QTMAN: variants seen among roughly 807,000 people sequenced by gnomAD.
The protein encoded by QTMAN is queuosine-tRNA mannosyltransferase, also known as tRNA-queuosine alpha-mannosyltransferase.
At chr2:144,108,135 C>T in the QTMAN span, among the ~76,000 whole-genome samples, 2,493 of 152,256 alleles carry the variant, frequency 0.016, 30 homozygotes, top group Non-Finnish European at 0.024. Context: ...ATGACAAACC[C>T]ACAGCCAATA....
At chr2:143,956,345 T>C in the QTMAN span, among the ~76,000 whole-genome samples, 1 of 152,286 alleles carries the variant, frequency 6.6e-6, no homozygotes, top group Admixed American at 6.5e-5. Context: ...GACTCAATGA[T>C]GCATGCTTTA....
At chr2:144,290,730 A>G in the QTMAN span, among the ~76,000 whole-genome samples, 1,323 of 152,292 alleles carry the variant, frequency 8.7e-3, 14 homozygotes, top group African/African-American at 0.03. Context: ...CTCCTGGCAA[A>G]TATCCTCATG....
the QTMAN span, among the ~76,000 whole-genome samples, chr2:144,148,520 G>GA: frequency 6.6e-6 from 1 of 151,696 alleles, no homozygotes; most frequent in East Asian, 1.9e-4. Context: ...GTAAGTAGAA[G>GA]AAAAAATTCT....
At chr2:144,142,046 A>G in the QTMAN span, 1 of 1,609,314 alleles carries the variant, frequency 6.2e-7, no homozygotes, top group South Asian at 1.1e-5. Flanking sequence ...CAACCACATC[A>G]GCCACCAGGC....
chr2:144,271,929 C>T, the QTMAN span, among the ~76,000 whole-genome samples: 2 of 152,168 alleles, frequency 1.3e-5, no homozygotes, highest in African/African-American at 2.4e-5. Context: ...CTACATACTC[C>T]TCCCTGATCC....
At chr2:144,209,877 T>C in the QTMAN span, among the ~76,000 whole-genome samples, 3 of 152,184 alleles carry the variant, frequency 2.0e-5, no homozygotes, top group Non-Finnish European at 4.4e-5. Flanking sequence ...CTTAATAATG[T>C]TGTTCCACAA....
chr2:144,045,420 C>T, the QTMAN span, among the ~76,000 whole-genome samples: 402 of 152,290 alleles, frequency 2.6e-3, 2 homozygotes, highest in African/African-American at 8.8e-3. Flanking sequence ...ACACATCTAA[C>T]GAAGCAGAAG....
At chr2:143,976,776 A>G in the QTMAN span, among the ~76,000 whole-genome samples, 1 of 152,170 alleles carries the variant, frequency 6.6e-6, no homozygotes, top group Non-Finnish European at 1.5e-5. Context: ...CTCTAACCCT[A>G]CAGGTGCTCC....
the QTMAN span, among the ~76,000 whole-genome samples, chr2:144,272,157 T>C: frequency 6.6e-5 from 10 of 152,276 alleles, no homozygotes; most frequent in African/African-American, 2.4e-4. Context: ...TAATATTTAG[T>C]GAAACTAATT....
chr2:144,222,521 T>A, the QTMAN span, among the ~76,000 whole-genome samples: 1 of 151,412 alleles, frequency 6.6e-6, no homozygotes, highest in Non-Finnish European at 1.5e-5. Flanking sequence ...TTAAGAAAGC[T>A]GGAGGCTGGG....
the QTMAN span, chr2:144,177,267 C>A: frequency 3.6e-4 from 195 of 545,838 alleles, no homozygotes; most frequent in Admixed American, 1.7e-3. Context: ...AAAAAAAAAA[C>A]ATTGTTTTTG....
chr2:144,123,136 T>C, the QTMAN span, among the ~76,000 whole-genome samples: 1 of 152,324 alleles, frequency 6.6e-6, no homozygotes, highest in East Asian at 1.9e-4. Context: ...TTAAAAGCCA[T>C]ATAAGTAGAA....
At chr2:144,020,175 C>T in the QTMAN span, among the ~76,000 whole-genome samples, 1 of 149,292 alleles carries the variant, frequency 6.7e-6, no homozygotes, top group Non-Finnish European at 1.5e-5. Flanking sequence ...AAGGGAAGTG[C>T]TGGGTAGGGG....
the QTMAN span, among the ~76,000 whole-genome samples, chr2:144,288,454 C>T: frequency 6.6e-6 from 1 of 152,228 alleles, no homozygotes; most frequent in East Asian, 1.9e-4. Context: ...GAATCTAATA[C>T]GTTTTCAGAG....
the QTMAN span, among the ~76,000 whole-genome samples, chr2:144,149,378 C>T: frequency 6.6e-6 from 1 of 151,886 alleles, no homozygotes; most frequent in Non-Finnish European, 1.5e-5. Context: ...TTTAAATTAA[C>T]ATAAAACCCA....
the QTMAN span, among the ~76,000 whole-genome samples, chr2:144,070,651 G>C: frequency 2.6e-5 from 4 of 152,156 alleles, no homozygotes; most frequent in African/African-American, 9.7e-5. Context: ...GACCATCTCA[G>C]GGAGAGCAAA....
At chr2:144,084,715 T>A in the QTMAN span, among the ~76,000 whole-genome samples, 1 of 152,156 alleles carries the variant, frequency 6.6e-6, no homozygotes. Flanking sequence ...TTACAAAAAA[T>A]TTGAAGCATT....
At chr2:144,180,716 C>T in the QTMAN span, among the ~76,000 whole-genome samples, 2 of 152,034 alleles carry the variant, frequency 1.3e-5, no homozygotes, top group African/African-American at 4.8e-5. Flanking sequence ...TATTTAGGTC[C>T]CATTGGCCAA....
chr2:144,176,972 G>C, the QTMAN span, among the ~76,000 whole-genome samples: 2 of 152,130 alleles, frequency 1.3e-5, no homozygotes, highest in African/African-American at 2.4e-5. Flanking sequence ...ACGGTAAAGG[G>C]GAAGCAGGTA....
Sources: gnomAD v4.1 joint callset for allele counts (sites outside exome capture counted in the v4.1 genomes callset) on GRCh38, gnomAD v4.1.1 for gene constraint, MANE v1.5 for transcripts, NCBI Gene and HGNC (gene_info 2026-07-23, HGNC 2026-07-21) for gene names.